FAM13C: variants seen among roughly 807,000 people sequenced by gnomAD.
The protein encoded by FAM13C is family with sequence similarity 13 member C.
A neutral mutation model predicts 73.2 loss-of-function variants in FAM13C; 37 were observed. The observed-to-expected ratio is 0.51, with a 90% CI of 0.39 to 0.67. The LOEUF (loss-of-function observed/expected upper bound fraction) is 0.67, where lower values mean the gene tolerates loss of function less well. Ranked by LOEUF, FAM13C falls within the 30% of genes least tolerant of loss-of-function variation. The pLI is 0.00. For missense variants in FAM13C, 589 were observed against 715.6 expected (o/e 0.82, Z 2.02); for synonymous variants, 246 against 260.9 (o/e 0.94, Z 0.55).
At chr10:59,319,927 C>T (rs1849998114) in intron 4 of FAM13C, among the ~76,000 whole-genome samples, 5 of 152,126 alleles carry the variant, frequency 3.3e-5, no homozygotes. Context: ...GAAAAGATGG[C>T]ATTAAGACAA....
chr10:59,343,719 A>AT (rs750187975), intron 3 of FAM13C, among the ~76,000 whole-genome samples: 16 of 152,170 alleles, frequency 1.1e-4, no homozygotes, highest in Non-Finnish European at 1.9e-4. Context: ...CAACTGTTTC[A>AT]TTTACTTGAG....
intron 13 of FAM13C, among the ~76,000 whole-genome samples, chr10:59,249,551 A>G (rs1245558680): frequency 1.3e-5 from 2 of 152,190 alleles, no homozygotes; most frequent in African/African-American, 4.8e-5. Flanking sequence ...TAATAATGTA[A>G]TATCTGCATG....
At chr10:59,297,900 C>CAA (rs561416573) in intron 5 of FAM13C, among the ~76,000 whole-genome samples, 24 of 148,902 alleles carry the variant, frequency 1.6e-4, no homozygotes, top group South Asian at 1.1e-3. Flanking sequence ...ACTCTGGGGA[C>CAA]AAAAAAAAAA....
chr10:59,308,100 A>C (rs181851488), intron 4 of FAM13C, among the ~76,000 whole-genome samples: 1 of 152,288 alleles, frequency 6.6e-6, no homozygotes, highest in East Asian at 1.9e-4. Context: ...CCAAAACAAT[A>C]ATAGGAAAGT....
intron 10 of FAM13C, among the ~76,000 whole-genome samples, chr10:59,262,086 A>T (rs1842559672): frequency 1.3e-5 from 2 of 152,162 alleles, no homozygotes; most frequent in South Asian, 4.1e-4. Flanking sequence ...AGGGGCTGTA[A>T]TTGGAGTCCT....
At chr10:59,333,240 A>C (rs998628383) in intron 3 of FAM13C, among the ~76,000 whole-genome samples, 13 of 152,296 alleles carry the variant, frequency 8.5e-5, no homozygotes, top group African/African-American at 3.1e-4. Flanking sequence ...TCTTACTTGC[A>C]CTTTGAGAGG....
intron 4 of FAM13C, among the ~76,000 whole-genome samples, chr10:59,303,719 C>T (rs920129906): frequency 3.9e-5 from 6 of 152,078 alleles, no homozygotes; most frequent in Admixed American, 3.3e-4. Context: ...GGATCTGTGA[C>T]AGGGGAGGGA....
chr10:59,348,494 A>G (rs1468231217), intron 3 of FAM13C, among the ~76,000 whole-genome samples: 1 of 152,238 alleles, frequency 6.6e-6, no homozygotes, highest in African/African-American at 2.4e-5. Context: ...CTGAGCAGTG[A>G]TAACTGTAGT....
At chr10:59,250,312 T>G (rs1841245073) in intron 13 of FAM13C, among the ~76,000 whole-genome samples, 1 of 152,048 alleles carries the variant, frequency 6.6e-6, no homozygotes, top group African/African-American at 2.4e-5. Context: ...AAGAAAAAAG[T>G]ATGGAAAAGG....
intron 4 of FAM13C, among the ~76,000 whole-genome samples, chr10:59,305,433 A>G (rs1481977904): frequency 6.6e-6 from 1 of 152,210 alleles, no homozygotes; most frequent in Admixed American, 6.5e-5. Flanking sequence ...TGAATAAGAG[A>G]TTTGTCAGTG....
chr10:59,301,449 T>C (rs1847590036), intron 5 of FAM13C, among the ~76,000 whole-genome samples: 1 of 152,208 alleles, frequency 6.6e-6, no homozygotes, highest in African/African-American at 2.4e-5. Flanking sequence ...CACAATGTAG[T>C]GAAGGAATAC....
At chr10:59,278,965 C>T (rs929825452) in intron 6 of FAM13C, among the ~76,000 whole-genome samples, 1 of 152,202 alleles carries the variant, frequency 6.6e-6, no homozygotes, top group African/African-American at 2.4e-5. Flanking sequence ...GGGTTGCCCC[C>T]ACATAGGCTG....
chr10:59,268,567 C>G lies in FAM13C; in HGVS notation c.928G>C (p.Glu310Gln), dbSNP rs1843343869. The change falls in exon 8 of 14, where the codon GAA becomes CAA. Residue 310 changes from glutamate (E) to glutamine (Q), a missense_variant. Physicochemically the swap from Glu to Gln is conservative, Grantham distance 29. Transcript: ENST00000618804. ...IRKFEEKFEQ[E>Q]KKYRPSHGDK... Reference sequence around the variant, plus strand: ...AGGGTTCTTACCCGGTATTTCTTTTCTTGTTCAAATTTTTCTTCAAATTTC... The same window carrying G: ...AGGGTTCTTACCCGGTATTTCTTTTGTTGTTCAAATTTTTCTTCAAATTTC... The G allele has an allele frequency of 6.2e-7, 1 of 1,613,718 alleles. No homozygotes were observed. The highest frequency in any genetic ancestry group is 8.5e-7 in the Non-Finnish European group (1 of 1,179,816).
intron 3 of FAM13C, among the ~76,000 whole-genome samples, chr10:59,351,681 G>T (rs1312282330): frequency 2.6e-5 from 4 of 152,078 alleles, no homozygotes; most frequent in Admixed American, 2.6e-4. Flanking sequence ...CCCCGCAAAA[G>T]AATGCAGCTG....
chr10:59,315,113 T>A (rs1849369920), intron 4 of FAM13C, among the ~76,000 whole-genome samples: 1 of 152,254 alleles, frequency 6.6e-6, no homozygotes, highest in African/African-American at 2.4e-5. Context: ...TAGGTACTAT[T>A]ATTTGTCTTG....
chr10:59,332,149 G>A (rs2134107406), intron 3 of FAM13C, among the ~76,000 whole-genome samples: 1 of 152,196 alleles, frequency 6.6e-6, no homozygotes, highest in Middle Eastern at 3.4e-3. Flanking sequence ...ATGGTATATT[G>A]TTAAATCAAA....
intron 5 of FAM13C, among the ~76,000 whole-genome samples, chr10:59,299,812 G>A (rs1297862903): frequency 1.3e-5 from 2 of 151,976 alleles, no homozygotes; most frequent in African/African-American, 2.4e-5. Context: ...ATGTCTTACC[G>A]AGACAGAGTC....
chr10:59,336,368 A>G lies in FAM13C; in HGVS notation c.325-12262T>C, dbSNP rs569560669. 1.4e-4 allele frequency among the ~76,000 whole-genome samples: 22 copies of G among 152,362 alleles called. No individual in the cohort carries two copies. In the South Asian group the frequency reaches 4.6e-3, roughly 32 times the overall value. ...AAAGTGTTGGAAATATGTGAATCTT[A>G]GGATGGATGAAAAGAGGTCAATTCT... On this transcript the variant is annotated intron_variant, in intron 3 of 13. Transcript: ENST00000618804.
rs1013649438 is a variant in FAM13C at position 59,268,545 on chromosome 10, G to A, written c.942+8C>T. ...ATCCGCTCCTATGTCAAACCCCAGG[G>A]TTCTTACCCGGTATTTCTTTTCTTG... is the stretch of plus-strand genomic sequence containing the variant. On this transcript the variant is annotated splice_region_variant and intron_variant, in intron 8 of 13. Transcript: ENST00000618804. The A allele has an allele frequency of 3.1e-6, 5 of 1,613,580 alleles. No homozygotes were observed. The Admixed American group carries it at 8.3e-5, about 27-fold the overall frequency.
Sources: gnomAD v4.1 joint callset for allele counts (sites outside exome capture counted in the v4.1 genomes callset) on GRCh38, gnomAD v4.1.1 for gene constraint, MANE v1.5 for transcripts, NCBI Gene and HGNC (gene_info 2026-07-23, HGNC 2026-07-21) for gene names.